GLYATL3: variants seen among roughly 807,000 people sequenced by gnomAD.
GLYATL3 encodes the protein glycine N-acyltransferase-like protein 3.
A neutral mutation model predicts 28.5 loss-of-function variants in GLYATL3; 31 were observed. The ratio of observed to expected loss-of-function variants is 1.09; its 90% confidence interval spans 0.82 to 1.47. The LOEUF (loss-of-function observed/expected upper bound fraction) is 1.47, where lower values mean the gene tolerates loss of function less well. Among genes scored for constraint, GLYATL3 ranks in the 40% most tolerant of loss-of-function variants. The pLI is 0.00. For synonymous variants in GLYATL3, 141 were observed against 140.2 expected (o/e 1.01, Z -0.04); for missense variants, 369 against 351.5 (o/e 1.05, Z -0.40).
chr6:49,523,028 C>T (rs1226235014), intron 5 of GLYATL3, among the ~76,000 whole-genome samples: 1 of 151,696 alleles, frequency 6.6e-6, no homozygotes, highest in African/African-American at 2.4e-5. Context: ...CTCCTGTGTC[C>T]GAGGTCCCCA....
chr6:49,517,606 A>G, intron 4 of GLYATL3, 50 bp downstream of exon 4: 1 of 1,393,444 alleles, frequency 7.2e-7, no homozygotes, highest in Non-Finnish European at 9.7e-7. Context: ...TTTCCTCCTT[A>G]GCATATATCC....
At chr6:49,526,202 T>C (rs1189422413) in intron 5 of GLYATL3, among the ~76,000 whole-genome samples, 2 of 151,946 alleles carry the variant, frequency 1.3e-5, no homozygotes, top group Non-Finnish European at 2.9e-5. Flanking sequence ...AATCACGAGG[T>C]CAGGAGTTCG....
chr6:49,518,784 C>CA (rs930274290), intron 4 of GLYATL3, among the ~76,000 whole-genome samples: 4 of 151,658 alleles, frequency 2.6e-5, no homozygotes, highest in Non-Finnish European at 5.9e-5. Context: ...ACTAAAAATA[C>CA]AAAAAAATTA....
chr6:49,510,523 AT>A (rs1400825519), intron 1 of GLYATL3, among the ~76,000 whole-genome samples: 1 of 152,226 alleles, frequency 6.6e-6, no homozygotes, highest in African/African-American at 2.4e-5. Context: ...CTTTGAAATA[AT>A]TTTGTTTCGT....
intron 4 of GLYATL3, among the ~76,000 whole-genome samples, chr6:49,518,779 A>G (rs1581871417): frequency 6.6e-6 from 1 of 152,084 alleles, no homozygotes; most frequent in African/African-American, 2.4e-5. Context: ...TCTCTACTAA[A>G]AATACAAAAA....
rs540858913 is a variant in GLYATL3, at chr6:49,510,611, T to G, written c.-28-1352T>G. Among the ~76,000 whole-genome samples the G allele has an allele frequency of 5.6e-4, 86 of 152,312 alleles. 1 individual carries two copies. Among genetic ancestry groups the G allele is most frequent in the African/African-American group, 2.0e-3 (82 of 41,562 alleles). Reference sequence around the variant, plus strand: ...ATCTATTACAAAGTTAAAATTGTATTTAGAGATGACACAAATGAGTGAAAA... The same window carrying G: ...ATCTATTACAAAGTTAAAATTGTATGTAGAGATGACACAAATGAGTGAAAA... On this transcript the variant is annotated intron_variant, in intron 1 of 5. Coordinates refer to ENST00000371197, the MANE Select transcript of GLYATL3 (RefSeq NM_001010904.2).
chr6:49,504,901 TGCACATAA>T (rs1399671951), intron 1 of GLYATL3, among the ~76,000 whole-genome samples: 1 of 152,174 alleles, frequency 6.6e-6, no homozygotes, highest in Non-Finnish European at 1.5e-5. Flanking sequence ...AACTGTGAAA[TGCACATAA>T]GCTAATTTTC....
At chr6:49,506,411 C>T (rs561772746) in intron 1 of GLYATL3, among the ~76,000 whole-genome samples, 18 of 152,212 alleles carry the variant, frequency 1.2e-4, no homozygotes, top group Admixed American at 4.6e-4. Flanking sequence ...TTTATCATTC[C>T]TTGAGGTAAA....
intron 5 of GLYATL3, among the ~76,000 whole-genome samples, chr6:49,522,303 C>T (rs1454382631): frequency 6.6e-6 from 1 of 152,092 alleles, no homozygotes; most frequent in East Asian, 1.9e-4. Context: ...TGAAGTAACA[C>T]ACAAGGGCAA....
chr6:49,501,203 C>G (rs988998005), intron 1 of GLYATL3, among the ~76,000 whole-genome samples: 2 of 152,112 alleles, frequency 1.3e-5, no homozygotes, highest in South Asian at 4.1e-4. Context: ...AGTTTGAGAT[C>G]AGCCTAGCCA....
intron 5 of GLYATL3, among the ~76,000 whole-genome samples, chr6:49,525,453 G>A (rs186248759): frequency 2.2e-4 from 33 of 149,144 alleles, no homozygotes; most frequent in African/African-American, 7.6e-4. Context: ...AATCCCACAC[G>A]CACGTGAGGC....
intron 1 of GLYATL3, among the ~76,000 whole-genome samples, chr6:49,508,132 T>C (rs899060090): frequency 6.6e-6 from 1 of 151,970 alleles, no homozygotes; most frequent in Non-Finnish European, 1.5e-5. Flanking sequence ...CCGTCTCTAC[T>C]AAAAATTTAA....
At position 49,503,404 on chromosome 6, in the gene GLYATL3, G is replaced by A. The variant is rs554048329; in HGVS notation, c.-29+3362G>A. Among the ~76,000 whole-genome samples, 149 of 152,290 alleles carry A rather than the reference G, an allele frequency of 9.8e-4. 1 individual carries two copies. The highest frequency in any genetic ancestry group is 3.4e-3 in the African/African-American group (141 of 41,564). ...TCTGAATGTTCAGGTCCTAAGTGGG[G>A]AACAATGAGCCTTGGCTTTGGAGGG... On this transcript the variant is annotated intron_variant, in intron 1 of 5. Transcript: ENST00000371197.
At position 49,504,805 on chromosome 6, in the gene GLYATL3, G is replaced by A. The variant is rs151209919; in HGVS notation, c.-29+4763G>A. Among the ~76,000 whole-genome samples, 22 of 152,152 alleles carry A rather than the reference G, an allele frequency of 1.4e-4. No individual in the cohort carries two copies. The East Asian group carries it at 3.1e-3, about 21-fold the overall frequency. The stretch of plus-strand genomic sequence containing the variant: ...GCGCTCACTAAGAATTCCCATAACC[G>A]CAAAACATGAAAACATATGTTTTTT... On this transcript the variant is annotated intron_variant, in intron 1 of 5. Transcript: ENST00000371197.
chr6:49,520,564 G>A (rs920613259), intron 4 of GLYATL3, among the ~76,000 whole-genome samples: 2 of 152,180 alleles, frequency 1.3e-5, no homozygotes, highest in Admixed American at 1.3e-4. Flanking sequence ...ACACTGAAGA[G>A]CCTTACCAGT....
At position 49,526,920 on chromosome 6, in the gene GLYATL3, TA is replaced by T; in HGVS notation, c.*12del. ...CTGGCCTGCCTCACCTCTAGCCCAG[TA>T]AAAAACTGCAGTGGTTTTATTACTT... On this transcript the variant is annotated 3_prime_UTR_variant, in exon 6 of 6. Transcript: ENST00000371197. The T allele has an allele frequency of 5.4e-6, 8 of 1,491,268 alleles. No individual in the cohort carries two copies. Among genetic ancestry groups the T allele is most frequent in the Non-Finnish European group, 7.2e-6 (8 of 1,118,180 alleles). 92.4% of individuals were successfully genotyped at this position (1,491,268 alleles called of 1,614,324 possible).
chr6:49,515,840 G>T, intron 3 of GLYATL3, 80 bp downstream of exon 3: 1 of 794,242 alleles, frequency 1.3e-6, no homozygotes, highest in South Asian at 1.5e-5. Context: ...TATAATCATA[G>T]TAGCCATTTA....
intron 3 of GLYATL3, 75 bp from the exon 4 acceptor site, chr6:49,517,355 G>T: frequency 7.8e-7 from 1 of 1,282,660 alleles, no homozygotes; most frequent in Non-Finnish European, 1.0e-6. Context: ...TCCAGCTAAC[G>T]GTATCTAATC....
chr6:49,521,544 C>T, intron 4 of GLYATL3, 101 bp from the exon 5 acceptor site: 1 of 932,092 alleles, frequency 1.1e-6, no homozygotes, highest in East Asian at 2.6e-5. Context: ...TGGCAAACTG[C>T]TAGTATTGAT....
Sources: allele counts gnomAD v4.1 joint callset (sites outside exome capture counted in the v4.1 genomes callset), GRCh38; gene constraint gnomAD v4.1.1; transcripts MANE v1.5; gene names NCBI Gene and HGNC (gene_info 2026-07-23, HGNC 2026-07-21).